The following HAVCR2 variants were observed in gnomAD, a reference collection of about 807,000 sequenced individuals.
HAVCR2 encodes the protein T cell immunoglobulin mucin 3.
Under a neutral mutation model 24.7 loss-of-function variants are expected in HAVCR2, and 13 were observed. That is an observed-to-expected ratio of 0.53 (90% CI 0.34 to 0.84). The LOEUF (loss-of-function observed/expected upper bound fraction) is 0.84, where lower values mean the gene tolerates loss of function less well. HAVCR2 is among the 40% of genes least tolerant of loss of function. The pLI is 0.01. For missense variants in HAVCR2, 343 were observed against 371.2 expected (o/e 0.92, Z 0.62); for synonymous variants, 154 against 143.4 (o/e 1.07, Z -0.53).
intron 6 of HAVCR2, among the ~76,000 whole-genome samples, chr5:157,088,208 C>T (rs868637005): frequency 1.1e-4 from 17 of 152,350 alleles, no homozygotes; most frequent in Middle Eastern, 3.4e-3. Context: ...CAGCACCTAG[C>T]CCAGAATCAT....
chr5:157,098,424 AC>A (rs1757124789), intron 4 of HAVCR2, among the ~76,000 whole-genome samples: 1 of 151,164 alleles, frequency 6.6e-6, no homozygotes, highest in South Asian at 2.1e-4. Context: ...AAAAAAAAAA[AC>A]CTCTTCACTT....
chr5:157,102,796 G>A (rs950565254), intron 3 of HAVCR2, among the ~76,000 whole-genome samples: 7 of 152,070 alleles, frequency 4.6e-5, no homozygotes, highest in East Asian at 1.9e-4. Context: ...TTAGCGGGGC[G>A]TGGTGGCGCG....
chr5:157,109,041 A>C lies in HAVCR2; in HGVS notation c.-58T>G. ...CTGTTAGGCACAGTTTTAACTCTCC[A>C]AATGGACTGGGTACTTCTTCCAACT... On this transcript the variant is annotated 5_prime_UTR_variant, in exon 1 of 7. Transcript: ENST00000307851. 2.7e-6 allele frequency: 4 copies of C among 1,500,032 alleles called. No individual in the cohort carries two copies. Among genetic ancestry groups the C allele is most frequent in the Non-Finnish European group, 2.8e-6 (3 of 1,078,476 alleles). 92.9% of individuals were successfully genotyped at this position (1,500,032 alleles called of 1,614,324 possible).
At chr5:157,098,205 A>C (rs943765777) in intron 4 of HAVCR2, among the ~76,000 whole-genome samples, 2 of 152,048 alleles carry the variant, frequency 1.3e-5, no homozygotes, top group Non-Finnish European at 2.9e-5. Context: ...TCAGGAGTTC[A>C]AGATCAGCCT....
At chr5:157,108,320 TA>T (rs1757281905) in intron 1 of HAVCR2, among the ~76,000 whole-genome samples, 1 of 151,896 alleles carries the variant, frequency 6.6e-6, no homozygotes, top group African/African-American at 2.4e-5. Flanking sequence ...CTGTCTCTAC[TA>T]AAAATTAAAA....
chr5:157,108,370 G>T (rs910485204), intron 1 of HAVCR2, among the ~76,000 whole-genome samples: 20 of 152,086 alleles, frequency 1.3e-4, no homozygotes, highest in Non-Finnish European at 1.9e-4. Flanking sequence ...TGTGATCCCA[G>T]CTACTCCGGT....
chr5:157,098,420 A>AAC (rs1757124739), intron 4 of HAVCR2, among the ~76,000 whole-genome samples: 6 of 150,144 alleles, frequency 4.0e-5, no homozygotes, highest in African/African-American at 7.3e-5. Flanking sequence ...AAAAAAAAAA[A>AAC]AAAACCTCTT....
intron 4 of HAVCR2, among the ~76,000 whole-genome samples, chr5:157,097,250 ATTTT>A (rs1221167508): frequency 7.8e-6 from 1 of 128,558 alleles, no homozygotes; most frequent in African/African-American, 2.9e-5. Context: ...CCCTCAAGTA[ATTTT>A]TTTTTTTTTT....
At chr5:157,098,228 G>A (rs1757121096) in intron 4 of HAVCR2, among the ~76,000 whole-genome samples, 1 of 151,930 alleles carries the variant, frequency 6.6e-6, no homozygotes, top group Non-Finnish European at 1.5e-5. Context: ...CCAATGTGGT[G>A]AAACTCCGTC....
chr5:157,094,201 T>C (rs1290695889), intron 5 of HAVCR2, among the ~76,000 whole-genome samples: 1 of 151,046 alleles, frequency 6.6e-6, no homozygotes, highest in Non-Finnish European at 1.5e-5. Flanking sequence ...GCCCAGCTCA[T>C]TATTATTATT....
chr5:157,096,713 G>T (rs1444919747), intron 4 of HAVCR2, among the ~76,000 whole-genome samples: 1 of 152,070 alleles, frequency 6.6e-6, no homozygotes, highest in East Asian at 1.9e-4. Flanking sequence ...GGAGGCAGAG[G>T]TTGCAGTGAG....
intron 4 of HAVCR2, among the ~76,000 whole-genome samples, chr5:157,096,068 A>T (rs1200871764): frequency 2.0e-5 from 3 of 151,956 alleles, no homozygotes; most frequent in African/African-American, 4.8e-5. Context: ...TCTACTAAAA[A>T]TACAAAACTT....
chr5:157,099,279 C>G (rs901190349), intron 3 of HAVCR2, among the ~76,000 whole-genome samples: 2 of 152,168 alleles, frequency 1.3e-5, no homozygotes, highest in African/African-American at 4.8e-5. Context: ...TATTTAGACA[C>G]AGAATTTCAC....
At chr5:157,098,835 A>G (rs1313446033) in intron 4 of HAVCR2, 23 bp downstream of exon 4, 7 of 1,607,282 alleles carry the variant, frequency 4.4e-6, no homozygotes, top group Non-Finnish European at 6.0e-6. Flanking sequence ...AGTACAACAT[A>G]GCTCACAAAA....
In HAVCR2 at chr5:157,106,808, A is replaced by G; in HGVS notation, c.213T>C (p.Asp71=). The change falls in exon 2 of 7, where the codon GAT becomes GAC. Residue 71 remains aspartate, a synonymous_variant. Transcript: ENST00000307851. The part of the protein sequence containing the change: ...FECGNVVLRT[D]ERDVNYWTSR... The stretch of plus-strand genomic sequence containing the variant: ...ATGTCCAATAATTCACATCCCTTTC[A>G]TCAGTCCTGAGCACCACGTTGCCAC... 1 of 1,614,176 alleles carries G rather than the reference A, an allele frequency of 6.2e-7. No homozygotes were observed. The highest frequency in any genetic ancestry group is 2.2e-5 in the East Asian group (1 of 44,886).
chr5:157,091,185 C>G (rs1444103390), intron 5 of HAVCR2, among the ~76,000 whole-genome samples: 1 of 152,170 alleles, frequency 6.6e-6, no homozygotes, highest in Non-Finnish European at 1.5e-5. Flanking sequence ...TGGCTCACGC[C>G]TATAATCCCA....
rs759158630 is a variant in HAVCR2 at position 157,106,755 on chromosome 5, C to T, written c.266G>A (p.Arg89His). ...TSRYWLNGDF[R>H]KGDVSLTIEN... Reference sequence around the variant, plus strand: ...TATGGTCAGGGACACATCTCCTTTGCGGAAATCCCCATTTAGCCAGTATCT... The same window carrying T: ...TATGGTCAGGGACACATCTCCTTTGTGGAAATCCCCATTTAGCCAGTATCT... The change falls in exon 2 of 7, where the codon CGC becomes CAC. Residue 89 changes from arginine (R) to histidine (H), a missense_variant. Physicochemically the swap from Arg to His is conservative, Grantham distance 29. Transcript: ENST00000307851. The T allele has an allele frequency of 1.4e-5, 23 of 1,614,056 alleles. No individual in the cohort carries two copies. The highest frequency in any genetic ancestry group is 1.6e-4 in the Middle Eastern group (1 of 6,084).
rs1561619866 is a variant in HAVCR2, at chr5:157,092,909, A to AC, written c.676+2396_676+2397insG. On this transcript the variant is annotated intron_variant, in intron 5 of 6. Coordinates refer to ENST00000307851, the MANE Select transcript of HAVCR2 (RefSeq NM_032782.5). ...AAAAAAAAAAAAAAAAAAAAAAAAA[A>AC]AAAAAAAAACTAGCCAGGTGTGGTG... 5.5e-4 allele frequency among the ~76,000 whole-genome samples: 63 copies of AC among 115,514 alleles called. 1 individual carries two copies. Among genetic ancestry groups the AC allele is most frequent in the African/African-American group, 1.9e-3 (55 of 28,648 alleles). 75.8% of individuals were successfully genotyped at this position (115,514 alleles called of 152,430 possible).
At chr5:157,105,777 C>G (rs2113695186) in intron 2 of HAVCR2, among the ~76,000 whole-genome samples, 2 of 152,308 alleles carry the variant, frequency 1.3e-5, no homozygotes, top group South Asian at 4.1e-4. Context: ...GCTGGCTGCA[C>G]CTGGGGTAAA....
Sources: allele counts gnomAD v4.1 joint callset (sites outside exome capture counted in the v4.1 genomes callset), GRCh38; gene constraint gnomAD v4.1.1; transcripts MANE v1.5; gene names NCBI Gene and HGNC (gene_info 2026-07-23, HGNC 2026-07-21).